The following PRKD1 variants were observed in gnomAD, a reference collection of about 807,000 sequenced individuals.
The protein encoded by PRKD1 is serine/threonine-protein kinase D1.
In PRKD1, 63 loss-of-function variants were observed where a neutral mutation model predicts 95.9. That is an observed-to-expected ratio of 0.66 (90% confidence interval 0.54 to 0.81). PRKD1 has a LOEUF of 0.81. Among genes scored for constraint, PRKD1 ranks in the 30% least tolerant of loss-of-function variants. The pLI is 0.00. For synonymous variants in PRKD1, 425 were observed against 423.1 expected, an observed-to-expected ratio of 1.00 and a Z score of -0.05; for missense variants, 1,048 against 1,165.3, an observed-to-expected ratio of 0.90 and a Z score of 1.47.
At chr14:29,633,156 T>C (rs531700799) in intron 8 of PRKD1, among the ~76,000 whole-genome samples, 13 of 152,082 alleles carry the variant, frequency 8.5e-5, no homozygotes, top group South Asian at 2.1e-4. Flanking sequence ...TGTTACAGGG[T>C]CGTGAGTAAT....
intron 1 of PRKD1, among the ~76,000 whole-genome samples, chr14:29,735,049 A>G (rs569587924): frequency 8.5e-5 from 13 of 152,118 alleles, no homozygotes; most frequent in Admixed American, 3.9e-4. Flanking sequence ...TATTTTATAA[A>G]TTTTGTATTG....
intron 1 of PRKD1, among the ~76,000 whole-genome samples, chr14:29,778,095 A>C (rs536547812): frequency 6.6e-6 from 1 of 152,228 alleles, no homozygotes; most frequent in Non-Finnish European, 1.5e-5. Context: ...TTTGAAACCA[A>C]TGAGAACAAA....
intron 1 of PRKD1, among the ~76,000 whole-genome samples, chr14:29,782,760 G>A (rs1413920470): frequency 1.3e-5 from 2 of 151,996 alleles, no homozygotes; most frequent in African/African-American, 4.8e-5. Context: ...GCCCAGGCTG[G>A]TCTTGAACTC....
intron 1 of PRKD1, among the ~76,000 whole-genome samples, chr14:29,805,569 G>A (rs1343464046): frequency 6.6e-6 from 1 of 152,216 alleles, no homozygotes; most frequent in Non-Finnish European, 1.5e-5. Flanking sequence ...TACGTGCCAC[G>A]AATCGTTCTA....
At chr14:29,926,729 T>C (rs1485117178) in intron 1 of PRKD1, among the ~76,000 whole-genome samples, 1 of 152,128 alleles carries the variant, frequency 6.6e-6, no homozygotes, top group Admixed American at 6.5e-5. Flanking sequence ...AGGCCTTGGG[T>C]ACCTGCACTC....
At chr14:29,811,238 C>T (rs1890470345) in intron 1 of PRKD1, among the ~76,000 whole-genome samples, 1 of 152,180 alleles carries the variant, frequency 6.6e-6, no homozygotes, top group Non-Finnish European at 1.5e-5. Context: ...CCTTCAGGCA[C>T]AGGGATATCT....
intron 1 of PRKD1, among the ~76,000 whole-genome samples, chr14:29,844,409 A>G (rs1438631083): frequency 6.6e-6 from 1 of 152,234 alleles, no homozygotes; most frequent in Non-Finnish European, 1.5e-5. Context: ...TAGTAAGACA[A>G]AATAATTGTC....
At chr14:29,746,027 G>T (rs1382525775) in intron 1 of PRKD1, among the ~76,000 whole-genome samples, 1 of 152,054 alleles carries the variant, frequency 6.6e-6, no homozygotes, top group Non-Finnish European at 1.5e-5. Context: ...TAGAAATCAG[G>T]ATTTCCTTTC....
At chr14:29,892,507 C>T (rs1893974068) in intron 1 of PRKD1, among the ~76,000 whole-genome samples, 1 of 151,294 alleles carries the variant, frequency 6.6e-6, no homozygotes, top group Non-Finnish European at 1.5e-5. Context: ...TCCATGTTGA[C>T]AGATCTCACA....
chr14:29,893,806 T>C lies in PRKD1; in HGVS notation c.264+33443A>G, dbSNP rs142438451. On this transcript the variant is annotated intron_variant, in intron 1 of 17. Transcript: ENST00000331968. ...TGTGCTCCTAGATATGACTCTACACTAACACATTACAATCTCCTCGGCAAT... is the reference window on the plus strand; with the variant it reads ...TGTGCTCCTAGATATGACTCTACACCAACACATTACAATCTCCTCGGCAAT... Among the ~76,000 whole-genome samples, 588 of 152,282 alleles carry C rather than the reference T, an allele frequency of 3.9e-3. 1 individual carries two copies. Among genetic ancestry groups the C allele is most frequent in the Admixed American group, 7.5e-3 (114 of 15,296 alleles).
chr14:29,616,181 G>T (rs1233118799), intron 13 of PRKD1, among the ~76,000 whole-genome samples: 1 of 127,716 alleles, frequency 7.8e-6, no homozygotes, highest in Non-Finnish European at 1.6e-5. Context: ...GTAAGTACAG[G>T]GATGAAGTGA....
intron 1 of PRKD1, among the ~76,000 whole-genome samples, chr14:29,832,328 T>A: frequency 6.6e-6 from 1 of 152,208 alleles, no homozygotes; most frequent in East Asian, 1.9e-4. Flanking sequence ...CACAAGCATG[T>A]TAATTTAATT....
intron 2 of PRKD1, among the ~76,000 whole-genome samples, chr14:29,721,471 T>A (rs1199094514): frequency 6.6e-6 from 1 of 152,174 alleles, no homozygotes; most frequent in Non-Finnish European, 1.5e-5. Context: ...CACACACATA[T>A]ATACACTGAT....
chr14:29,912,045 C>T (rs994995570), intron 1 of PRKD1, among the ~76,000 whole-genome samples: 1 of 152,202 alleles, frequency 6.6e-6, no homozygotes, highest in African/African-American at 2.4e-5. Flanking sequence ...GGCACTGAAT[C>T]TCTCATTCTT....
chr14:29,796,988 T>C (rs1444105358), intron 1 of PRKD1, among the ~76,000 whole-genome samples: 1 of 152,222 alleles, frequency 6.6e-6, no homozygotes, highest in Non-Finnish European at 1.5e-5. Context: ...ATAAAGTTCC[T>C]AGATAACATA....
intron 1 of PRKD1, among the ~76,000 whole-genome samples, chr14:29,919,827 G>C (rs761624296): frequency 6.6e-6 from 1 of 152,028 alleles, no homozygotes; most frequent in Non-Finnish European, 1.5e-5. Flanking sequence ...TCATCCAGGC[G>C]TGGTGGCACA....
intron 11 of PRKD1, 150 bp from the exon 12 acceptor site, chr14:29,626,706 T>A: frequency 3.1e-6 from 1 of 323,898 alleles, no homozygotes; most frequent in Non-Finnish European, 5.1e-6. Context: ...ACTGTAATAT[T>A]CAAAGCACAC....
rs552751695 is a variant in PRKD1, at chr14:29,578,440, T to C, written c.2435-80A>G. The C allele has an allele frequency of 2.9e-6, 3 of 1,036,454 alleles. No homozygotes were observed. The East Asian group carries it at 8.4e-5, about 29-fold the overall frequency. The allele number at this position is 1,036,454 out of a possible 1,614,324, so 64.2% of individuals were successfully genotyped here. A position where few individuals can be genotyped will look rare whatever the true frequency, so the allele number is the denominator to read the frequency against. On this transcript the variant is annotated intron_variant, in intron 16 of 17. Coordinates refer to ENST00000331968, the MANE Select transcript of PRKD1 (RefSeq NM_002742.3). Reference sequence around the variant, plus strand: ...CATTTATAGTTTATTTCACATCTGCTATTTCACACAGTTAAATGCAGCATA... The same window carrying C: ...CATTTATAGTTTATTTCACATCTGCCATTTCACACAGTTAAATGCAGCATA...
intron 4 of PRKD1, among the ~76,000 whole-genome samples, chr14:29,657,107 A>G (rs1881894866): frequency 6.6e-6 from 1 of 152,180 alleles, no homozygotes; most frequent in Non-Finnish European, 1.5e-5. Flanking sequence ...TCTTTGTTGC[A>G]TATTATTATT....
Sources: gnomAD v4.1 joint callset for allele counts (sites outside exome capture counted in the v4.1 genomes callset) on GRCh38, gnomAD v4.1.1 for gene constraint, MANE v1.5 for transcripts, NCBI Gene and HGNC (gene_info 2026-07-23, HGNC 2026-07-21) for gene names.